Variants in ADAMTSL3 observed in about 807,000 individuals in gnomAD.
ADAMTSL3 encodes the protein ADAMTS-like protein 3.
A neutral mutation model predicts 201.7 loss-of-function variants in ADAMTSL3; 128 were observed. The observed-to-expected ratio is 0.63, with a 90% CI of 0.55 to 0.73. The LOEUF (loss-of-function observed/expected upper bound fraction) is 0.73, where lower values mean the gene tolerates loss of function less well. Among genes scored for constraint, ADAMTSL3 ranks in the 30% least tolerant of loss-of-function variants. The pLI, the probability that ADAMTSL3 is intolerant of heterozygous loss-of-function variation, is 0.00. For missense variants in ADAMTSL3, 1,990 were observed against 2,119.6 expected (o/e 0.94, Z 1.20); for synonymous variants, 738 against 748.4 (o/e 0.99, Z 0.23).
intron 3 of ADAMTSL3, among the ~76,000 whole-genome samples, chr15:83,752,333 G>A (rs912275719): frequency 5.9e-5 from 9 of 151,544 alleles, no homozygotes; most frequent in African/African-American, 2.2e-4. Flanking sequence ...ATTCTCTATG[G>A]TGATTTTGAA....
intron 3 of ADAMTSL3, among the ~76,000 whole-genome samples, chr15:83,759,919 C>G (rs1384280927): frequency 6.6e-6 from 1 of 152,088 alleles, no homozygotes; most frequent in Non-Finnish European, 1.5e-5. Flanking sequence ...CAGTGATATT[C>G]CACATTTCAT....
At chr15:83,952,197 A>T (rs921427859) in intron 19 of ADAMTSL3, among the ~76,000 whole-genome samples, 3 of 152,108 alleles carry the variant, frequency 2.0e-5, no homozygotes, top group Non-Finnish European at 4.4e-5. Flanking sequence ...TTTCCTTCTT[A>T]ATTTCTTTAT....
At chr15:83,885,962 G>A (rs1191102648) in intron 10 of ADAMTSL3, among the ~76,000 whole-genome samples, 10 of 152,106 alleles carry the variant, frequency 6.6e-5, no homozygotes, top group Admixed American at 6.5e-4. Flanking sequence ...AACCTCAGGT[G>A]ATCTACCTAC....
chr15:84,016,684 T>G (rs1378846887), intron 25 of ADAMTSL3, among the ~76,000 whole-genome samples, 185 bp downstream of exon 25: 5 of 151,938 alleles, frequency 3.3e-5, no homozygotes, highest in Admixed American at 2.6e-4. Flanking sequence ...ATTGAAACAC[T>G]TTTTAGAAAA....
At chr15:83,920,829 T>C (rs149940138) in intron 16 of ADAMTSL3, among the ~76,000 whole-genome samples, 40 of 152,332 alleles carry the variant, frequency 2.6e-4, no homozygotes, top group Admixed American at 4.6e-4. Flanking sequence ...AATCATCTGT[T>C]TAAAATGTTT....
chr15:83,739,173 A>G (rs1181054476), intron 3 of ADAMTSL3, among the ~76,000 whole-genome samples: 2 of 151,926 alleles, frequency 1.3e-5, no homozygotes, highest in African/African-American at 4.8e-5. Flanking sequence ...GCTTTTTATA[A>G]GGGGATACAT....
At chr15:83,832,922 G>A (rs1373926513) in intron 6 of ADAMTSL3, among the ~76,000 whole-genome samples, 1 of 152,112 alleles carries the variant, frequency 6.6e-6, no homozygotes, top group Admixed American at 6.5e-5. Flanking sequence ...TACCAGCTCT[G>A]CAGACCAAGT....
rs779662187 is a variant in ADAMTSL3, at chr15:83,819,849, G to A, written c.402G>A (p.Gln134=). 1.9e-6 allele frequency: 3 copies of A among 1,614,064 alleles called. No individual in the cohort carries two copies. Among genetic ancestry groups the A allele is most frequent in the South Asian group, 2.2e-5 (2 of 91,064 alleles). Residue 134 remains glutamine, a synonymous_variant, in exon 6 of 30, where the codon CAG becomes CAA. Coordinates refer to ENST00000286744, the MANE Select transcript of ADAMTSL3 (RefSeq NM_207517.3). ...ATGCAGAAGATTTCAGAGCCCAGCA[G>A]TGCTCAGCCTACAATGATGTCCAGT... ...PPDAEDFRAQ[Q]CSAYNDVQYQ...
intron 3 of ADAMTSL3, among the ~76,000 whole-genome samples, chr15:83,763,654 A>G (rs993380901): frequency 8.5e-5 from 13 of 152,074 alleles, no homozygotes; most frequent in East Asian, 1.9e-4. Flanking sequence ...ACAGGCGCCC[A>G]CCACCATGCC....
At chr15:83,681,187 C>A (rs1415698695) in intron 2 of ADAMTSL3, among the ~76,000 whole-genome samples, 1 of 152,164 alleles carries the variant, frequency 6.6e-6, no homozygotes, top group African/African-American at 2.4e-5. Context: ...TGACATAATA[C>A]AGAAAGGATT....
chr15:83,782,266 C>T (rs2063182693), intron 4 of ADAMTSL3, among the ~76,000 whole-genome samples: 1 of 152,058 alleles, frequency 6.6e-6, no homozygotes, highest in Non-Finnish European at 1.5e-5. Context: ...CACTTGAGGT[C>T]AGGAGTTCCA....
At chr15:84,015,432 T>TCCCTGC (rs1193347473) in intron 24 of ADAMTSL3, among the ~76,000 whole-genome samples, 1 of 152,122 alleles carries the variant, frequency 6.6e-6, no homozygotes, top group Non-Finnish European at 1.5e-5. Flanking sequence ...ATGCAGGGAG[T>TCCCTGC]TGGAATAGCT....
chr15:84,003,825 C>A (rs544825663), intron 23 of ADAMTSL3, among the ~76,000 whole-genome samples: 1 of 152,146 alleles, frequency 6.6e-6, no homozygotes, highest in Non-Finnish European at 1.5e-5. Context: ...CACAGGGAAC[C>A]GTCAGAAGCC....
intron 2 of ADAMTSL3, among the ~76,000 whole-genome samples, chr15:83,667,985 T>C (rs1219088074): frequency 6.6e-6 from 1 of 152,090 alleles, no homozygotes; most frequent in Non-Finnish European, 1.5e-5. Flanking sequence ...AAATAACATA[T>C]TTAGTGATAG....
intron 23 of ADAMTSL3, among the ~76,000 whole-genome samples, chr15:83,997,399 C>A (rs1346035629): frequency 3.3e-5 from 5 of 152,042 alleles, no homozygotes; most frequent in Non-Finnish European, 7.4e-5. Flanking sequence ...ACCAGCCTGG[C>A]CAATATGATG....
intron 19 of ADAMTSL3, among the ~76,000 whole-genome samples, chr15:83,968,477 A>G (rs536418482): frequency 1.4e-4 from 21 of 152,258 alleles, no homozygotes; most frequent in Non-Finnish European, 2.5e-4. Context: ...ATCTCACACC[A>G]GTTAGAATGG....
At chr15:83,827,781 T>TC (rs1467900206) in intron 6 of ADAMTSL3, among the ~76,000 whole-genome samples, 1 of 152,166 alleles carries the variant, frequency 6.6e-6, no homozygotes, top group Non-Finnish European at 1.5e-5. Flanking sequence ...GAGAATCCTT[T>TC]CCCCATTGCT....
chr15:83,872,276 C>T (rs2065094912), intron 9 of ADAMTSL3, among the ~76,000 whole-genome samples: 1 of 151,952 alleles, frequency 6.6e-6, no homozygotes, highest in Non-Finnish European at 1.5e-5. Context: ...CTTCCAGTCT[C>T]GGGTCTGCCG....
intron 2 of ADAMTSL3, among the ~76,000 whole-genome samples, chr15:83,687,189 G>A (rs549121116): frequency 1.3e-5 from 2 of 152,280 alleles, no homozygotes; most frequent in South Asian, 4.2e-4. Context: ...GGGCCGCAGA[G>A]TGAAACTCTA....
Sources: allele counts gnomAD v4.1 joint callset (sites outside exome capture counted in the v4.1 genomes callset), GRCh38; gene constraint gnomAD v4.1.1; transcripts MANE v1.5; gene names NCBI Gene and HGNC (gene_info 2026-07-23, HGNC 2026-07-21).